Variants in PLCB4 observed in about 807,000 individuals in gnomAD.
PLCB4 encodes the protein phospholipase C beta 4, also known as 1-phosphatidylinositol 4,5-bisphosphate phosphodiesterase beta-4.
PLCB4 carries 77 observed loss-of-function variants against 178.8 expected under a neutral mutation model. The observed-to-expected ratio is 0.43, with a 90% CI of 0.36 to 0.52. The LOEUF (loss-of-function observed/expected upper bound fraction) is 0.52, where lower values mean the gene tolerates loss of function less well. Ranked by LOEUF, PLCB4 falls within the 20% of genes least tolerant of loss-of-function variation. The pLI is 0.00. For synonymous variants in PLCB4, 496 were observed against 490.8 expected (o/e 1.01, Z -0.14); for missense variants, 1,024 against 1,453.4 (o/e 0.70, Z 4.80).
At chr20:9,214,881 AG>A (rs1430703001) in intron 2 of PLCB4, among the ~76,000 whole-genome samples, 1 of 152,192 alleles carries the variant, frequency 6.6e-6, no homozygotes, top group African/African-American at 2.4e-5. Context: ...GCCCAGAATT[AG>A]AAAGGTTTAT....
chr20:9,075,500 A>G (rs2089813679), intron 1 of PLCB4, among the ~76,000 whole-genome samples: 1 of 152,230 alleles, frequency 6.6e-6, no homozygotes, highest in African/African-American at 2.4e-5. Context: ...AAATAGTTTT[A>G]GTTTTCTGGA....
At chr20:9,075,653 C>T (rs1277473655) in intron 1 of PLCB4, among the ~76,000 whole-genome samples, 1 of 152,176 alleles carries the variant, frequency 6.6e-6, no homozygotes, top group Admixed American at 6.5e-5. Context: ...AGGCTTGCGC[C>T]CATCCAGGGG....
chr20:9,095,243 A>G (rs2090856997), intron 1 of PLCB4, among the ~76,000 whole-genome samples: 1 of 152,228 alleles, frequency 6.6e-6, no homozygotes, highest in South Asian at 2.1e-4. Context: ...AGCAAACACA[A>G]GCTAATGGAG....
At chr20:9,188,599 T>C in intron 2 of PLCB4, among the ~76,000 whole-genome samples, 1 of 139,404 alleles carries the variant, frequency 7.2e-6, no homozygotes, top group East Asian at 2.1e-4. Context: ...GGTTAACTGT[T>C]CATTGTGGAG....
At chr20:9,121,020 C>T (rs1196226926) in intron 2 of PLCB4, among the ~76,000 whole-genome samples, 2 of 152,132 alleles carry the variant, frequency 1.3e-5, no homozygotes, top group East Asian at 3.9e-4. Flanking sequence ...CCACACCCCT[C>T]ACCGGGATGA....
intron 32 of PLCB4, among the ~76,000 whole-genome samples, chr20:9,444,952 T>A (rs2042325719): frequency 1.3e-5 from 2 of 152,110 alleles, no homozygotes; most frequent in Admixed American, 1.3e-4. Flanking sequence ...AGAGAACACT[T>A]GTCACTTTTT....
At chr20:9,368,021 T>C (rs1174982748) in intron 9 of PLCB4, among the ~76,000 whole-genome samples, 1 of 152,200 alleles carries the variant, frequency 6.6e-6, no homozygotes, top group East Asian at 1.9e-4. Flanking sequence ...GTGAATGAGC[T>C]GCCAAGAGTT....
chr20:9,227,681 A>G (rs1454611401), intron 3 of PLCB4, among the ~76,000 whole-genome samples: 1 of 152,058 alleles, frequency 6.6e-6, no homozygotes, highest in Non-Finnish European at 1.5e-5. Flanking sequence ...ATTGTTCTGT[A>G]TGCCTATACT....
In PLCB4 at chr20:9,423,531, C is replaced by T. The variant is rs147935377; in HGVS notation, c.2320-217C>T. On this transcript the variant is annotated intron_variant, in intron 27 of 39. Coordinates refer to ENST00000378473, the MANE Select transcript of PLCB4 (RefSeq NM_001377142.1). ...CATTCATTTCATCTAACATTTTTCA[C>T]GAGATAATTTCCAGGAAACATGTTC... 8.5e-5 allele frequency among the ~76,000 whole-genome samples: 13 copies of T among 152,270 alleles called. No homozygotes were observed. The East Asian group carries it at 9.6e-4, about 11-fold the overall frequency.
At chr20:9,412,897 T>C (rs2148521366) in intron 25 of PLCB4, among the ~76,000 whole-genome samples, 1 of 152,338 alleles carries the variant, frequency 6.6e-6, no homozygotes, top group East Asian at 1.9e-4. Flanking sequence ...TAAAGTCCAC[T>C]TTACCATGTT....
At chr20:9,405,405 T>C in intron 21 of PLCB4, 57 bp downstream of exon 21, 1 of 1,044,880 alleles carries the variant, frequency 9.6e-7, no homozygotes, top group Non-Finnish European at 1.4e-6. Context: ...TTAAAAAATC[T>C]TCAAAGGAAG....
intron 13 of PLCB4, among the ~76,000 whole-genome samples, chr20:9,380,957 G>A (rs13038634): frequency 0.23 from 34,284 of 151,976 alleles, 4,020 homozygotes; most frequent in Non-Finnish European, 0.26. Flanking sequence ...TGTATCTAAT[G>A]CCAGTGAGTG....
chr20:9,171,839 CT>C (rs1020206982), intron 2 of PLCB4, among the ~76,000 whole-genome samples: 10 of 152,032 alleles, frequency 6.6e-5, no homozygotes, highest in African/African-American at 2.4e-4. Flanking sequence ...TATTTCCCCC[CT>C]CCTCATAATT....
At chr20:9,364,968 A>G (rs541186316) in intron 8 of PLCB4, among the ~76,000 whole-genome samples, 63 of 151,298 alleles carry the variant, frequency 4.2e-4, no homozygotes, top group Middle Eastern at 6.8e-3. Flanking sequence ...ATGAGTCCTC[A>G]TGAATTCTCA....
At chr20:9,210,917 T>C (rs1406385587) in intron 2 of PLCB4, among the ~76,000 whole-genome samples, 2 of 152,156 alleles carry the variant, frequency 1.3e-5, no homozygotes, top group Non-Finnish European at 2.9e-5. Context: ...AGGTGCTCAA[T>C]AAATATTGTA....
At chr20:9,335,250 G>C (rs1414892770) in intron 4 of PLCB4, among the ~76,000 whole-genome samples, 1 of 152,110 alleles carries the variant, frequency 6.6e-6, no homozygotes, top group Non-Finnish European at 1.5e-5. Flanking sequence ...ACCCGCCATG[G>C]CCTTTTGGGT....
In PLCB4 at chr20:9,373,637, A is replaced by G. The variant is rs1458542022; in HGVS notation, c.744+533A>G. Among the ~76,000 whole-genome samples the G allele has an allele frequency of 5.9e-5, 9 of 152,356 alleles. No homozygotes were observed. The South Asian group carries it at 1.0e-3, about 18-fold the overall frequency. On this transcript the variant is annotated intron_variant, in intron 12 of 39. Coordinates refer to ENST00000378473, the MANE Select transcript of PLCB4 (RefSeq NM_001377142.1). Reference sequence around the variant, plus strand: ...AACACTTGAGTTCCTGGGTGAAAATACATTGAGTTTTAGGCTAATAGGATT... The same window carrying G: ...AACACTTGAGTTCCTGGGTGAAAATGCATTGAGTTTTAGGCTAATAGGATT...
At chr20:9,114,308 G>C (rs966724381) in intron 2 of PLCB4, among the ~76,000 whole-genome samples, 22 of 152,142 alleles carry the variant, frequency 1.4e-4, no homozygotes, top group Non-Finnish European at 3.1e-4. Flanking sequence ...GGTGTTCAGA[G>C]GGGTGGTGCT....
chr20:9,204,159 A>G (rs1195190214), intron 2 of PLCB4, among the ~76,000 whole-genome samples: 1 of 152,186 alleles, frequency 6.6e-6, no homozygotes, highest in African/African-American at 2.4e-5. Flanking sequence ...AAAAAGATTC[A>G]AAATAGTTAA....
Sources: allele counts gnomAD v4.1 joint callset (sites outside exome capture counted in the v4.1 genomes callset), GRCh38; gene constraint gnomAD v4.1.1; transcripts MANE v1.5; gene names NCBI Gene and HGNC (gene_info 2026-07-23, HGNC 2026-07-21).